SVEP1: variants seen among roughly 807,000 people sequenced by gnomAD.
SVEP1 encodes sushi, von Willebrand factor type A, EGF and pentraxin domain-containing protein 1.
Under a neutral mutation model 367.3 loss-of-function variants are expected in SVEP1, and 164 were observed. That is an observed-to-expected ratio of 0.45 (90% confidence interval 0.39 to 0.51). The LOEUF (loss-of-function observed/expected upper bound fraction) is 0.51. Ranked by LOEUF, SVEP1 falls within the 20% of genes least tolerant of loss-of-function variation. SVEP1 has a pLI of 0.00. For missense variants in SVEP1, 4,117 were observed against 4,425.3 expected (o/e 0.93, Z 1.98); for synonymous variants, 1,666 against 1,611.6 (o/e 1.03, Z -0.81).
intron 43 of SVEP1, among the ~76,000 whole-genome samples, chr9:110,382,045 T>C (rs1024072971): frequency 1.3e-5 from 2 of 152,190 alleles, no homozygotes; most frequent in African/African-American, 4.8e-5. Flanking sequence ...TGGCATTTTG[T>C]GTCTTTTAAG....
In SVEP1 at chr9:110,519,363, C is replaced by A. The variant is rs550593789; in HGVS notation, c.965-5257G>T. 2.6e-5 allele frequency among the ~76,000 whole-genome samples: 4 copies of A among 152,134 alleles called. No individual in the cohort carries two copies. The South Asian group carries it at 8.3e-4, about 32-fold the overall frequency. On this transcript the variant is annotated intron_variant, in intron 3 of 47. Coordinates refer to ENST00000374469, the MANE Select transcript of SVEP1 (RefSeq NM_153366.4). Reference sequence around the variant, plus strand: ...ATGCTCTGGCGCTTGGTAAATATTACCTTCCTTTCTTTCCCTTTCCTATCT... The same window carrying A: ...ATGCTCTGGCGCTTGGTAAATATTAACTTCCTTTCTTTCCCTTTCCTATCT...
intron 1 of SVEP1, among the ~76,000 whole-genome samples, chr9:110,564,444 C>T (rs1830465923): frequency 6.6e-6 from 1 of 152,098 alleles, no homozygotes; most frequent in African/African-American, 2.4e-5. Context: ...AGCAACAAGC[C>T]AACTCTGGAA....
chr9:110,552,024 C>CTTTTTTT (rs34366561), intron 1 of SVEP1, among the ~76,000 whole-genome samples: 23 of 77,036 alleles, frequency 3.0e-4, no homozygotes, highest in Admixed American at 5.0e-4. Context: ...GGTACCCAAC[C>CTTTTTTT]TTTTTTTTTT....
chr9:110,499,327 T>C (rs2118746758), intron 6 of SVEP1, 89 bp from the exon 7 acceptor site: 2 of 1,229,250 alleles, frequency 1.6e-6, no homozygotes, highest in East Asian at 2.4e-5. Context: ...AATACAATTA[T>C]GCTGCCTTAG....
intron 47 of SVEP1, among the ~76,000 whole-genome samples, chr9:110,368,687 T>TTTA (rs1827234491): frequency 6.6e-6 from 1 of 152,154 alleles, no homozygotes; most frequent in African/African-American, 2.4e-5. Context: ...TTTTTTCTCT[T>TTTA]TTATTTCCTC....
In SVEP1 at chr9:110,377,879, C is replaced by G. The variant is rs142900888; in HGVS notation, c.10409-513G>C. Among the ~76,000 whole-genome samples the G allele has an allele frequency of 4.0e-3, 604 of 151,898 alleles. 3 individuals carry two copies. The highest frequency in any genetic ancestry group is 6.4e-3 in the Non-Finnish European group (434 of 67,984). ...GAGCAACATCTCCCTATCCTCACCC[C>G]CTCCCAGCTCCTGGGAACCACCATC... On this transcript the variant is annotated intron_variant, in intron 44 of 47. Coordinates refer to ENST00000374469, the MANE Select transcript of SVEP1 (RefSeq NM_153366.4).
At chr9:110,373,349 C>T (rs1827304383) in intron 46 of SVEP1, among the ~76,000 whole-genome samples, 2 of 152,160 alleles carry the variant, frequency 1.3e-5, no homozygotes, top group Non-Finnish European at 2.9e-5. Flanking sequence ...GTGACGACTG[C>T]ACATCTGCTT....
In SVEP1 at chr9:110,407,130, C is replaced by A; in HGVS notation, c.8470G>T (p.Asp2824Tyr). The A allele has an allele frequency of 6.2e-7, 1 of 1,614,050 alleles. No individual in the cohort carries two copies. The highest frequency in any genetic ancestry group is 8.5e-7 in the Non-Finnish European group (1 of 1,179,900). The stretch of plus-strand genomic sequence containing the variant: ...TCCACAGGAATGCAAATGGGCTCAT[C>A]CTCATCCCAGTTTTTGTCATCCTGG... ...TCQDDKNWDEDEPICIPVDCS... is the reference protein window; with the variant it reads ...TCQDDKNWDEYEPICIPVDCS... The change falls in exon 38 of 48, where the codon GAT becomes TAT. Residue 2824 changes from aspartate to tyrosine, a missense_variant. Physicochemically the swap from Asp to Tyr is radical, Grantham distance 160. Coordinates refer to ENST00000374469, the MANE Select transcript of SVEP1 (RefSeq NM_153366.4).
At chr9:110,484,141 G>T (rs1829241397) in intron 9 of SVEP1, among the ~76,000 whole-genome samples, 1 of 152,138 alleles carries the variant, frequency 6.6e-6, no homozygotes, top group African/African-American at 2.4e-5. Context: ...CTAAATAGAA[G>T]GACCATGGGC....
intron 40 of SVEP1, among the ~76,000 whole-genome samples, chr9:110,397,813 C>A (rs1431594150): frequency 2.0e-5 from 3 of 152,044 alleles, no homozygotes; most frequent in African/African-American, 7.2e-5. Flanking sequence ...TCAAGGAGAA[C>A]TACAAACCAC....
intron 9 of SVEP1, among the ~76,000 whole-genome samples, chr9:110,486,876 C>T (rs546944045): frequency 1.3e-5 from 2 of 151,988 alleles, no homozygotes; most frequent in African/African-American, 4.8e-5. Context: ...AGCTCCTGAC[C>T]TCAGGTGATT....
At chr9:110,567,726 G>A (rs1286674259) in intron 1 of SVEP1, among the ~76,000 whole-genome samples, 1 of 152,144 alleles carries the variant, frequency 6.6e-6, no homozygotes, top group African/African-American at 2.4e-5. Context: ...ACCCTTGCTT[G>A]GCCAAAAGTT....
chr9:110,403,407 C>T (rs1425319033), intron 39 of SVEP1, among the ~76,000 whole-genome samples: 2 of 141,420 alleles, frequency 1.4e-5, no homozygotes, highest in Non-Finnish European at 3.0e-5. Flanking sequence ...TGGGTTCAAG[C>T]AATTCTCCTG....
At chr9:110,464,804 G>C (rs1828909986) in intron 18 of SVEP1, among the ~76,000 whole-genome samples, 1 of 152,218 alleles carries the variant, frequency 6.6e-6, no homozygotes, top group South Asian at 2.1e-4. Context: ...TCAGTTCCCA[G>C]TGAGTAGCAG....
chr9:110,375,049 G>GAGATTAAAATAAGTATTATTC lies in SVEP1; in HGVS notation c.10600+298_10600+318dup, dbSNP rs540921433. Among the ~76,000 whole-genome samples the GAGATTAAAATAAGTATTATTC allele has an allele frequency of 1.9e-4, 29 of 151,780 alleles. No homozygotes were observed. The East Asian group carries it at 5.6e-3, about 29-fold the overall frequency. ...ATGAATTTAGTAATTTAGCTTCTTA[G>GAGATTAAAATAAGTATTATTC]AGATTAAAATAAGTATTATTCTGAA... On this transcript the variant is annotated intron_variant, in intron 46 of 47. Transcript: ENST00000374469.
rs745314710 is a variant in SVEP1 at position 110,379,506 on chromosome 9, C to T, written c.10249G>A (p.Gly3417Ser). ...GCATTTTCTACGTGAGCTGGTGGAC[C>T]ACATGAGATTTCTACAGGATAACAA... Reference protein sequence around the residue: ...TSAKCEKISCGPPAHVENAIA... With the variant: ...TSAKCEKISCSPPAHVENAIA... Residue 3417 changes from glycine to serine, a missense_variant, in exon 44 of 48, where the codon GGT becomes AGT. Coordinates refer to ENST00000374469, the MANE Select transcript of SVEP1 (RefSeq NM_153366.4). The T allele has an allele frequency of 5.0e-6, 8 of 1,613,492 alleles. No individual in the cohort carries two copies. The highest frequency in any genetic ancestry group is 6.8e-6 in the Non-Finnish European group (8 of 1,179,682).
Position 110,365,698 on chromosome 9 carries a change from C to CT in SVEP1, c.*840dup, listed in dbSNP as rs1368616922. On this transcript the variant is annotated 3_prime_UTR_variant, in exon 48 of 48. Transcript: ENST00000374469. Reference sequence around the variant, plus strand: ...GCTCTGGGGAATGTTTCCCATTTGCCTTTTTCCTTCTCTTTCCCTGTCTTC... The same window carrying CT: ...GCTCTGGGGAATGTTTCCCATTTGCCTTTTTTCCTTCTCTTTCCCTGTCTTC... 1 of 152,212 alleles carries CT rather than the reference C, an allele frequency of 6.6e-6. No individual in the cohort carries two copies. Among genetic ancestry groups the CT allele is most frequent in the African/African-American group, 2.4e-5 (1 of 41,414 alleles). 9.4% of individuals were successfully genotyped at this position (152,212 alleles called of 1,614,324 possible).
Position 110,459,946 on chromosome 9 carries a change from C to A in SVEP1, c.3323-833G>T, listed in dbSNP as rs541225824. Among the ~76,000 whole-genome samples the A allele has an allele frequency of 6.6e-5, 10 of 151,944 alleles. No homozygotes were observed. In the East Asian group the frequency reaches 1.9e-3, roughly 29 times the overall value. The stretch of plus-strand genomic sequence containing the variant: ...TATTTTATATATTAAGAATATGAAT[C>A]ATTTGACACACTTAGACTAATTATT... On this transcript the variant is annotated intron_variant, in intron 18 of 47. Transcript: ENST00000374469.
chr9:110,409,490 TAC>T (rs1056558228), intron 37 of SVEP1, among the ~76,000 whole-genome samples: 2 of 152,154 alleles, frequency 1.3e-5, no homozygotes, highest in Non-Finnish European at 2.9e-5. Flanking sequence ...AAATCCTTAC[TAC>T]AGTTTTGAGC....
Sources: allele counts gnomAD v4.1 joint callset (sites outside exome capture counted in the v4.1 genomes callset), GRCh38; gene constraint gnomAD v4.1.1; transcripts MANE v1.5; gene names NCBI Gene and HGNC (gene_info 2026-07-23, HGNC 2026-07-21).